HRH1: variants seen among roughly 807,000 people sequenced by gnomAD.
The protein encoded by HRH1 is histamine H1 receptor.
In HRH1, 6 loss-of-function variants were observed where a neutral mutation model predicts 10.3. The ratio of observed to expected loss-of-function variants is 0.58; its 90% CI spans 0.32 to 1.15. HRH1 has a LOEUF of 1.15. Among genes scored for constraint, HRH1 ranks in the 50% most tolerant of loss-of-function variants. The pLI, the probability that HRH1 is intolerant of heterozygous loss-of-function variation, is 0.05. For missense variants in HRH1, 514 were observed against 615.3 expected, an observed-to-expected ratio of 0.84 and a Z score of 1.74; for synonymous variants, 242 against 236.7, an observed-to-expected ratio of 1.02 and a Z score of -0.21.
chr3:11,231,994 ATT>A (rs57276171), intron 1 of HRH1, among the ~76,000 whole-genome samples: 41 of 139,796 alleles, frequency 2.9e-4, no homozygotes, highest in Admixed American at 2.9e-4. Flanking sequence ...TTTTGAGTTA[ATT>A]TTTTTTTTTT....
intron 1 of HRH1, among the ~76,000 whole-genome samples, chr3:11,202,690 A>G (rs959109406): frequency 6.6e-6 from 1 of 152,090 alleles, no homozygotes; most frequent in Non-Finnish European, 1.5e-5. Flanking sequence ...TCACATATGC[A>G]CAGTCCCCTG....
At chr3:11,164,629 G>T (rs1354490404) in intron 1 of HRH1, among the ~76,000 whole-genome samples, 3 of 152,176 alleles carry the variant, frequency 2.0e-5, no homozygotes, top group African/African-American at 7.2e-5. Context: ...AGATGGTGTT[G>T]TGCATTCTGA....
At chr3:11,164,265 A>G (rs1936986895) in intron 1 of HRH1, among the ~76,000 whole-genome samples, 1 of 152,208 alleles carries the variant, frequency 6.6e-6, no homozygotes, top group African/African-American at 2.4e-5. Context: ...AGTAATTAAG[A>G]TGCTCAAGGT....
intron 1 of HRH1, among the ~76,000 whole-genome samples, chr3:11,213,823 G>A (rs370641404): frequency 4.6e-5 from 7 of 152,338 alleles, no homozygotes; most frequent in African/African-American, 7.2e-5. Context: ...CAAAGCTCTC[G>A]ATAAACGGTG....
At chr3:11,148,487 C>A (rs1208260063) in intron 1 of HRH1, among the ~76,000 whole-genome samples, 1 of 152,180 alleles carries the variant, frequency 6.6e-6, no homozygotes, top group Admixed American at 6.5e-5. Context: ...TATAGCAGCT[C>A]CATGGTGTCA....
intron 1 of HRH1, among the ~76,000 whole-genome samples, chr3:11,179,058 C>A (rs1022992401): frequency 9.2e-5 from 14 of 152,274 alleles, no homozygotes; most frequent in African/African-American, 3.1e-4. Context: ...GAGGCCAAGG[C>A]AGACAGATCA....
intron 1 of HRH1, among the ~76,000 whole-genome samples, chr3:11,212,650 G>A (rs1938365347): frequency 6.6e-6 from 1 of 152,070 alleles, no homozygotes; most frequent in East Asian, 1.9e-4. Context: ...AGACTCTCTG[G>A]GCCACCATCC....
At chr3:11,156,205 G>A (rs954118494) in intron 1 of HRH1, among the ~76,000 whole-genome samples, 1 of 152,186 alleles carries the variant, frequency 6.6e-6, no homozygotes, top group Non-Finnish European at 1.5e-5. Flanking sequence ...CTACGGAGAA[G>A]GGCAGGGGAT....
chr3:11,242,100 G>T (rs1196718375), intron 1 of HRH1, among the ~76,000 whole-genome samples: 1 of 152,128 alleles, frequency 6.6e-6, no homozygotes, highest in African/African-American at 2.4e-5. Flanking sequence ...ATCCGCTTGG[G>T]TCACCTTCTA....
At chr3:11,199,668 C>A (rs969658559) in intron 1 of HRH1, among the ~76,000 whole-genome samples, 1 of 152,194 alleles carries the variant, frequency 6.6e-6, no homozygotes, top group Non-Finnish European at 1.5e-5. Flanking sequence ...CCTCCCAGCA[C>A]CTGGCCCAGA....
chr3:11,153,080 A>G (rs1243137201), upstream of HRH1, among the ~76,000 whole-genome samples: 1 of 152,060 alleles, frequency 6.6e-6, no homozygotes, highest in East Asian at 1.9e-4. Context: ...AAACTTTCCA[A>G]CAGCCCCACG....
intron 1 of HRH1, among the ~76,000 whole-genome samples, chr3:11,185,712 C>T (rs1292435302): frequency 6.6e-6 from 1 of 152,172 alleles, no homozygotes; most frequent in Non-Finnish European, 1.5e-5. Flanking sequence ...TCCCTCCCTC[C>T]TGGGGGAGCT....
chr3:11,137,963 T>C (rs1316887792), intron 1 of HRH1, among the ~76,000 whole-genome samples: 2 of 151,342 alleles, frequency 1.3e-5, no homozygotes, highest in Non-Finnish European at 2.9e-5. Flanking sequence ...TGGGAGAAAA[T>C]ATTTGCAACT....
In HRH1 at chr3:11,259,941, T is replaced by A. The variant is rs201586667; in HGVS notation, c.904T>A (p.Cys302Ser). 1.1e-5 allele frequency: 18 copies of A among 1,614,222 alleles called. No homozygotes were observed. The highest frequency in any genetic ancestry group is 1.4e-5 in the Non-Finnish European group (17 of 1,180,026). ...EDDREVDKLYCFPLDIVHMQA... is the reference protein window; with the variant it reads ...EDDREVDKLYSFPLDIVHMQA... Reference sequence around the variant, plus strand: ...TGATAGAGAAGTAGACAAACTCTACTGCTTTCCACTTGATATTGTGCACAT... The same window carrying A: ...TGATAGAGAAGTAGACAAACTCTACAGCTTTCCACTTGATATTGTGCACAT... The change falls in exon 2 of 2, where the codon TGC (cysteine) becomes AGC (serine). Residue 302 changes from cysteine to serine, a missense_variant. By Grantham distance (112) the Cys-to-Ser change is moderately radical. Transcript: ENST00000431010. The surrounding 1 kb of genome is among the most constrained non-coding windows in gnomAD (Gnocchi z 4.6).
At chr3:11,249,798 T>A (rs1029316314) in intron 1 of HRH1, among the ~76,000 whole-genome samples, 1 of 152,164 alleles carries the variant, frequency 6.6e-6, no homozygotes, top group Non-Finnish European at 1.5e-5. Flanking sequence ...TCCGTTAAAA[T>A]CTTCCCAGAC....
chr3:11,149,081 A>G (rs931243370), intron 1 of HRH1, among the ~76,000 whole-genome samples: 9 of 152,164 alleles, frequency 5.9e-5, no homozygotes, highest in African/African-American at 2.2e-4. Context: ...CTCTGCCCAC[A>G]GCAGGCCTCC....
chr3:11,167,628 C>T lies in HRH1; in HGVS notation c.-36+13074C>T, dbSNP rs548779642. On this transcript the variant is annotated intron_variant, in intron 1 of 1. Coordinates refer to ENST00000431010, the MANE Select transcript of HRH1 (RefSeq NM_001098212.2). ...GGTTTTTGATTTCTGCCCCTGAGCG[C>T]AATCAATTGGTACCTCCCTGTATGT... is the stretch of plus-strand genomic sequence containing the variant. Among the ~76,000 whole-genome samples, 17 of 152,388 alleles carry T rather than the reference C, an allele frequency of 1.1e-4. No homozygotes were observed. In the South Asian group the frequency reaches 2.3e-3, roughly 20 times the overall value.
At position 11,173,319 on chromosome 3, in the gene HRH1, G is replaced by A. The variant is rs551048699; in HGVS notation, c.-36+18765G>A. Among the ~76,000 whole-genome samples, 108 of 151,666 alleles carry A rather than the reference G, an allele frequency of 7.1e-4. 1 individual carries two copies. In the Middle Eastern group the frequency reaches 0.017, roughly 24 times the overall value. ...ATTATGATTACTGACATAATACATA[G>A]CACAGGTCTGGCACATTAGGAAATA... On this transcript the variant is annotated intron_variant, in intron 1 of 1. Coordinates refer to ENST00000431010, the MANE Select transcript of HRH1 (RefSeq NM_001098212.2).
rs573899280 is a variant in HRH1, at chr3:11,184,341, A to T, written c.-36+29787A>T. On this transcript the variant is annotated intron_variant, in intron 1 of 1. Transcript: ENST00000431010. Reference sequence around the variant, plus strand: ...AAATAGAGACACGGAGAGGTTAAGTAACTTGCCTAAAATCGCACCACTCAG... The same window carrying T: ...AAATAGAGACACGGAGAGGTTAAGTTACTTGCCTAAAATCGCACCACTCAG... Among the ~76,000 whole-genome samples, 3 of 152,244 alleles carry T rather than the reference A, an allele frequency of 2.0e-5. No homozygotes were observed. In the South Asian group the frequency reaches 6.2e-4, roughly 32 times the overall value.
Sources: allele counts gnomAD v4.1 joint callset (sites outside exome capture counted in the v4.1 genomes callset), GRCh38; gene constraint gnomAD v4.1.1; non-coding constraint Gnocchi (gnomAD v3.1); transcripts MANE v1.5; gene names NCBI Gene and HGNC (gene_info 2026-07-23, HGNC 2026-07-21).